The following CSMD3 variants were observed in gnomAD, a reference collection of about 807,000 sequenced individuals.
CSMD3 encodes CUB and sushi domain-containing protein 3.
In CSMD3, 177 loss-of-function variants were observed where a neutral mutation model predicts 435.2. The observed-to-expected ratio is 0.41, with a 90% confidence interval of 0.36 to 0.46. The LOEUF is 0.46. Among genes scored for constraint, CSMD3 ranks in the 20% least tolerant of loss-of-function variants. The pLI, the probability that CSMD3 is intolerant of heterozygous loss-of-function variation, is 0.34. For synonymous variants in CSMD3, 1,656 were observed against 1,520.5 expected (o/e 1.09, Z -2.07); for missense variants, 4,265 against 4,504.6 (o/e 0.95, Z 1.52).
intron 2 of CSMD3, among the ~76,000 whole-genome samples, chr8:113,284,260 G>C (rs774303960): frequency 4.6e-5 from 7 of 152,092 alleles, no homozygotes; most frequent in Non-Finnish European, 1.0e-4. Context: ...TTGGGACTCA[G>C]AGTCTAAAAC....
chr8:112,873,522 A>G (rs966476332), intron 10 of CSMD3, among the ~76,000 whole-genome samples: 4 of 152,026 alleles, frequency 2.6e-5, no homozygotes, highest in African/African-American at 9.7e-5. Context: ...TATTTTAATT[A>G]TCTGCTTACC....
chr8:113,152,927 C>G (rs1282809775), intron 4 of CSMD3, among the ~76,000 whole-genome samples: 2 of 150,876 alleles, frequency 1.3e-5, no homozygotes, highest in Non-Finnish European at 2.9e-5. Context: ...GCCGTGATTG[C>G]ACCACTGCAC....
At chr8:113,287,115 G>T (rs1300499986) in intron 2 of CSMD3, among the ~76,000 whole-genome samples, 1 of 152,008 alleles carries the variant, frequency 6.6e-6, no homozygotes, top group Non-Finnish European at 1.5e-5. Context: ...CTTTAGTGAT[G>T]TGACTCAAAC....
chr8:113,186,408 G>A (rs892452084), intron 3 of CSMD3, among the ~76,000 whole-genome samples: 2 of 151,974 alleles, frequency 1.3e-5, no homozygotes, highest in Non-Finnish European at 2.9e-5. Context: ...ACCTTGTTTA[G>A]TCAAAGTAGC....
intron 5 of CSMD3, among the ~76,000 whole-genome samples, chr8:113,093,571 A>G (rs1038192): frequency 0.67 from 102,050 of 151,832 alleles, 35,911 homozygotes; most frequent in East Asian, 0.95. Context: ...CTAGTTTAAT[A>G]GTAATCGATT....
intron 22 of CSMD3, among the ~76,000 whole-genome samples, chr8:112,591,021 TA>T (rs761925188): frequency 1.3e-5 from 2 of 152,090 alleles, no homozygotes; most frequent in Non-Finnish European, 2.9e-5. Context: ...CTTTAAATCA[TA>T]AAAATTAATA....
At chr8:112,641,927 A>C (rs2074840652) in intron 20 of CSMD3, among the ~76,000 whole-genome samples, 1 of 152,174 alleles carries the variant, frequency 6.6e-6, no homozygotes, top group African/African-American at 2.4e-5. Context: ...TGTGATGGTG[A>C]GGACCTAGTA....
chr8:113,393,096 T>G (rs1490506133), intron 1 of CSMD3, among the ~76,000 whole-genome samples: 1 of 152,030 alleles, frequency 6.6e-6, no homozygotes, highest in Non-Finnish European at 1.5e-5. Context: ...TAACATATAA[T>G]GCTCACATAA....
At chr8:112,493,810 T>C (rs1425118077) in intron 30 of CSMD3, among the ~76,000 whole-genome samples, 3 of 152,116 alleles carry the variant, frequency 2.0e-5, no homozygotes, top group Non-Finnish European at 4.4e-5. Context: ...GCCTTGAGAT[T>C]ATTTCCATTT....
chr8:112,480,750 G>A (rs1819553675), intron 31 of CSMD3, among the ~76,000 whole-genome samples: 1 of 152,120 alleles, frequency 6.6e-6, no homozygotes, highest in African/African-American at 2.4e-5. Flanking sequence ...TGTACAGCCT[G>A]CAGAATGTGA....
At chr8:112,976,232 C>A in intron 6 of CSMD3, 84 bp from the exon 7 acceptor site, 5 of 1,445,876 alleles carry the variant, frequency 3.5e-6, no homozygotes, top group Middle Eastern at 2.2e-4. Flanking sequence ...CAATCATATT[C>A]TCTTCTATTA....
intron 2 of CSMD3, among the ~76,000 whole-genome samples, chr8:113,295,534 A>G (rs2093714512): frequency 6.6e-6 from 1 of 152,216 alleles, no homozygotes; most frequent in South Asian, 2.1e-4. Flanking sequence ...ATATAAAATA[A>G]AGTTAAAAAT....
chr8:112,248,751 A>G (rs2130180145), intron 63 of CSMD3, among the ~76,000 whole-genome samples: 1 of 152,286 alleles, frequency 6.6e-6, no homozygotes, highest in African/African-American at 2.4e-5. Context: ...ATTATTACCC[A>G]GAACTATACT....
intron 10 of CSMD3, among the ~76,000 whole-genome samples, chr8:112,895,394 A>T (rs912442934): frequency 8.6e-5 from 13 of 151,428 alleles, no homozygotes; most frequent in African/African-American, 2.7e-4. Flanking sequence ...TTCTGGGAAA[A>T]TTGTTCCAGA....
chr8:113,227,242 C>A (rs1410721287), intron 3 of CSMD3, among the ~76,000 whole-genome samples: 2 of 151,434 alleles, frequency 1.3e-5, no homozygotes, highest in East Asian at 1.9e-4. Flanking sequence ...ATAGTAATTT[C>A]TCCTGTAAAA....
At chr8:112,650,123 A>G (rs749378730) in intron 19 of CSMD3, 38 bp downstream of exon 19, 1 of 1,392,874 alleles carries the variant, frequency 7.2e-7, no homozygotes, top group South Asian at 1.2e-5. Flanking sequence ...TTTTCTGTTT[A>G]TAAATCAGCA....
At chr8:112,982,203 T>C (rs573017217) in intron 6 of CSMD3, among the ~76,000 whole-genome samples, 1 of 151,976 alleles carries the variant, frequency 6.6e-6, no homozygotes, top group South Asian at 2.1e-4. Flanking sequence ...AATTTAGATA[T>C]GCAAATCCAC....
chr8:112,899,596 AT>A (rs869026644), intron 10 of CSMD3, among the ~76,000 whole-genome samples: 2 of 65,200 alleles, frequency 3.1e-5, no homozygotes, highest in East Asian at 4.7e-4. Context: ...TTGCTTGTCT[AT>A]TTTATATATA....
intron 32 of CSMD3, among the ~76,000 whole-genome samples, chr8:112,466,410 A>G (rs561010275): frequency 6.6e-6 from 1 of 152,336 alleles, no homozygotes; most frequent in Admixed American, 6.5e-5. Flanking sequence ...ATTGTTAAAA[A>G]AAACTCACAG....
Sources: gnomAD v4.1 joint callset for allele counts (sites outside exome capture counted in the v4.1 genomes callset) on GRCh38, gnomAD v4.1.1 for gene constraint, MANE v1.5 for transcripts, NCBI Gene and HGNC (gene_info 2026-07-23, HGNC 2026-07-21) for gene names.